Variants in PCNX2 observed in about 807,000 individuals in gnomAD.
PCNX2 encodes pecanex 2, also known as pecanex-like protein 2.
PCNX2 carries 168 observed loss-of-function variants against 223.8 expected under a neutral mutation model. The observed-to-expected ratio is 0.75, with a 90% CI of 0.66 to 0.85. The LOEUF is 0.85. PCNX2 is among the 40% of genes least tolerant of loss of function. The probability of loss-of-function intolerance (pLI) is 0.00; values close to 1 mark genes in which losing one functional copy is unlikely to be tolerated. For missense variants in PCNX2, 2,507 were observed against 2,675.5 expected (o/e 0.94, Z 1.39); for synonymous variants, 1,006 against 1,052.6 (o/e 0.96, Z 0.86).
At chr1:233,086,204 C>T (rs12122479) in intron 23 of PCNX2, among the ~76,000 whole-genome samples, 5,174 of 152,070 alleles carry the variant, frequency 0.034, 154 homozygotes, top group Non-Finnish European at 0.049. Flanking sequence ...AGGAGAGGTT[C>T]GGAATGGAAA....
At chr1:233,277,027 G>A (rs1017452989) in intron 1 of PCNX2, among the ~76,000 whole-genome samples, 1 of 152,242 alleles carries the variant, frequency 6.6e-6, no homozygotes, top group African/African-American at 2.4e-5. Flanking sequence ...GAGCAGTGAA[G>A]GTGAACTGGA....
intron 1 of PCNX2, among the ~76,000 whole-genome samples, chr1:233,273,628 G>A (rs1455766001): frequency 7.5e-6 from 1 of 133,192 alleles, no homozygotes; most frequent in Non-Finnish European, 1.6e-5. Flanking sequence ...AGCTCTTTTG[G>A]CATTTTTTTT....
intron 9 of PCNX2, among the ~76,000 whole-genome samples, chr1:233,228,172 C>T (rs1406840600): frequency 2.6e-5 from 4 of 152,076 alleles, no homozygotes; most frequent in Non-Finnish European, 5.9e-5. Context: ...TATTGGACAT[C>T]CCACCTGTGT....
At chr1:233,321,114 G>T in the PCNX2 span, among the ~76,000 whole-genome samples, 1,507 of 150,384 alleles carry the variant, frequency 0.01, 22 homozygotes, top group African/African-American at 0.034. Context: ...CGCCTCCGGG[G>T]TTCACGCCAT....
chr1:233,294,102 G>T (rs1661931456), intron 1 of PCNX2: 2 of 592,910 alleles, frequency 3.4e-6, no homozygotes, highest in East Asian at 1.4e-4. Flanking sequence ...CCGTTTTAAT[G>T]ATATGAATGC....
chr1:233,209,985 C>T (rs952579126), intron 12 of PCNX2, among the ~76,000 whole-genome samples: 45 of 152,128 alleles, frequency 3.0e-4, no homozygotes, highest in African/African-American at 1.1e-3. Flanking sequence ...CATTAAATAG[C>T]TACTTTCCAC....
At chr1:233,227,400 A>G in intron 9 of PCNX2, 29 bp from the exon 10 acceptor site, 1 of 1,602,626 alleles carries the variant, frequency 6.2e-7, no homozygotes, top group Non-Finnish European at 8.5e-7. Flanking sequence ...AACAACAGAA[A>G]AAAGGGCTTT....
At chr1:233,222,825 G>A (rs1456659374) in intron 10 of PCNX2, among the ~76,000 whole-genome samples, 2 of 152,216 alleles carry the variant, frequency 1.3e-5, no homozygotes, top group Admixed American at 1.3e-4. Context: ...AAGTGGAGCA[G>A]GCTTGGGTGA....
At chr1:233,170,553 T>C (rs1679092026) in intron 17 of PCNX2, among the ~76,000 whole-genome samples, 1 of 152,206 alleles carries the variant, frequency 6.6e-6, no homozygotes, top group Non-Finnish European at 1.5e-5. Flanking sequence ...CTCTTTTCTG[T>C]AAAATTTAAA....
intron 7 of PCNX2, among the ~76,000 whole-genome samples, chr1:233,251,423 G>A (rs1267155378): frequency 6.6e-6 from 1 of 152,188 alleles, no homozygotes; most frequent in Non-Finnish European, 1.5e-5. Context: ...GGATACTGAG[G>A]TGTGAAAATC....
At chr1:233,228,506 C>G (rs1245463166) in intron 9 of PCNX2, among the ~76,000 whole-genome samples, 1 of 152,166 alleles carries the variant, frequency 6.6e-6, no homozygotes, top group East Asian at 1.9e-4. Context: ...TACCCTCCCC[C>G]CAGCCTCTGG....
chr1:233,016,056 C>T (rs1031319247), intron 27 of PCNX2, among the ~76,000 whole-genome samples: 3 of 152,198 alleles, frequency 2.0e-5, no homozygotes, highest in African/African-American at 7.2e-5. Flanking sequence ...CTTTGAATAT[C>T]TCAACTGCTG....
At chr1:233,213,486 A>G (rs967971173) in intron 12 of PCNX2, among the ~76,000 whole-genome samples, 1 of 152,220 alleles carries the variant, frequency 6.6e-6, no homozygotes, top group Non-Finnish European at 1.5e-5. Context: ...TAATACAGCG[A>G]AACTGGGAAT....
chr1:233,165,949 C>T (rs1678767513), intron 17 of PCNX2, among the ~76,000 whole-genome samples: 1 of 152,002 alleles, frequency 6.6e-6, no homozygotes, highest in African/African-American at 2.4e-5. Flanking sequence ...ACATACAATA[C>T]CTGGTTTCAA....
chr1:233,301,754 A>G, the PCNX2 span, among the ~76,000 whole-genome samples: 1 of 151,828 alleles, frequency 6.6e-6, no homozygotes, highest in Non-Finnish European at 1.5e-5. Context: ...AAAGGAAAGA[A>G]TATACTAAGA....
intron 17 of PCNX2, among the ~76,000 whole-genome samples, chr1:233,170,363 G>A (rs1392883115): frequency 3.9e-5 from 6 of 152,050 alleles, no homozygotes; most frequent in Admixed American, 1.3e-4. Context: ...ATGGTGAGTC[G>A]GTGTGATTTT....
At chr1:233,239,423 AAATAAT>A (rs527758414) in intron 8 of PCNX2, among the ~76,000 whole-genome samples, 3 of 152,234 alleles carry the variant, frequency 2.0e-5, no homozygotes, top group Admixed American at 6.5e-5. Flanking sequence ...TCAGATTGTA[AAATAAT>A]AATAATAATA....
intron 14 of PCNX2, 113 bp from the exon 15 acceptor site, chr1:233,199,143 G>T: frequency 1.1e-6 from 1 of 928,514 alleles, no homozygotes; most frequent in Non-Finnish European, 1.6e-6. Flanking sequence ...TGCTGAAGGG[G>T]TAAATAATAC....
chr1:233,271,028 A>T (rs1293353590), intron 1 of PCNX2, among the ~76,000 whole-genome samples: 1 of 152,238 alleles, frequency 6.6e-6, no homozygotes, highest in Non-Finnish European at 1.5e-5. Context: ...TTAGTCAAGA[A>T]ATTTGAACTC....
Sources: gnomAD v4.1 joint callset for allele counts (sites outside exome capture counted in the v4.1 genomes callset) on GRCh38, gnomAD v4.1.1 for gene constraint, MANE v1.5 for transcripts, NCBI Gene and HGNC (gene_info 2026-07-23, HGNC 2026-07-21) for gene names.